The following MFGE8 variants were observed in gnomAD, a reference collection of about 807,000 sequenced individuals.
The protein encoded by MFGE8 is milk fat globule EGF and factor V/VIII domain containing, also known as lactadherin.
In MFGE8, 34 loss-of-function variants were observed where a neutral mutation model predicts 42.6. The observed-to-expected ratio is 0.80, with a 90% CI of 0.61 to 1.06. The LOEUF is 1.06. MFGE8 is among the 50% of genes least tolerant of loss of function. The probability of loss-of-function intolerance (pLI) is 0.00; values close to 1 mark genes in which losing one functional copy is unlikely to be tolerated. For missense variants in MFGE8, 510 were observed against 516.9 expected (o/e 0.99, Z 0.13); for synonymous variants, 230 against 214.8 (o/e 1.07, Z -0.62).
chr15:88,905,089 C>G lies in MFGE8; in HGVS notation c.685+668G>C, dbSNP rs745999776. 3.3e-5 allele frequency among the ~76,000 whole-genome samples: 5 copies of G among 152,184 alleles called. No homozygotes were observed. The highest frequency in any genetic ancestry group is 5.9e-5 in the Non-Finnish European group (4 of 68,030). ...AGAAATCTGTCCCTTTATGGTCTCC[C>G]CAGCTCTTCATCTGGGAATCTCTTT... On this transcript the variant is annotated intron_variant, in intron 5 of 7. Transcript: ENST00000268150. The surrounding 1 kb of genome is among the most constrained non-coding windows in gnomAD (Gnocchi z 6.6).
chr15:88,913,195 G>C, intron 1 of MFGE8, 52 bp downstream of exon 1: 2 of 1,479,064 alleles, frequency 1.4e-6, no homozygotes, highest in South Asian at 1.3e-5. Context: ...GCAAACTTCC[G>C]AGCGGCGCGG....
In MFGE8 at chr15:88,901,573, T is replaced by C; in HGVS notation, c.848A>G (p.Tyr283Cys). The stretch of plus-strand genomic sequence containing the variant: ...CACCTGCAGCCACTGATCGTTACCG[T>C]AGCTCCCCGCAACCCAGGCGTTGAA... ...GNFNAWVAGSYGNDQWLQVDL... is the reference protein window; with the variant it reads ...GNFNAWVAGSCGNDQWLQVDL... Residue 283 changes from tyrosine to cysteine, a missense_variant, in exon 6 of 8, where the codon TAC becomes TGC. Transcript: ENST00000268150. 1 of 1,523,578 alleles carries C rather than the reference T, an allele frequency of 6.6e-7. No homozygotes were observed. 94.4% of individuals were successfully genotyped at this position (1,523,578 alleles called of 1,614,324 possible). A position where few individuals can be genotyped will look rare whatever the true frequency, so the allele number is the denominator to read the frequency against.
chr15:88,908,433 A>G (rs1054947311), intron 2 of MFGE8, among the ~76,000 whole-genome samples: 2 of 152,184 alleles, frequency 1.3e-5, no homozygotes, highest in African/African-American at 4.8e-5. Context: ...ACCCTGAAGG[A>G]GTCCAGTGTG....
At position 88,906,434 on chromosome 15, in the gene MFGE8, A is replaced by T. The variant is rs1357585072; in HGVS notation, c.540+192T>A. ...TCACTAGTCTCATCTCTAAAGTGGG[A>T]CTATTGCTTATAAACCACAGAACAT... On this transcript the variant is annotated intron_variant, in intron 4 of 7. Transcript: ENST00000268150. The surrounding 1 kb of genome is among the most constrained non-coding windows in gnomAD (Gnocchi z 4.2). 3 of 655,272 alleles carry T rather than the reference A, an allele frequency of 4.6e-6. No individual in the cohort carries two copies. In the African/African-American group the frequency reaches 5.4e-5, roughly 12 times the overall value. The allele number at this position is 655,272 out of a possible 1,614,324, so 40.6% of individuals were successfully genotyped here. A position where few individuals can be genotyped will look rare whatever the true frequency, so the allele number is the denominator to read the frequency against.
chr15:88,901,517 A>ATACCAACAATGCTGACC, intron 6 of MFGE8, 34 bp downstream of exon 6: 1 of 1,072,616 alleles, frequency 9.3e-7, no homozygotes, highest in Non-Finnish European at 1.4e-6. Flanking sequence ...ATCCCACCCA[A>ATACCAACAATGCTGACC]CCCCAGCCCC....
rs1215823823 is a variant in MFGE8, at chr15:88,906,661, A to T, written c.505T>A (p.Phe169Ile). The T allele has an allele frequency of 1.2e-6, 2 of 1,614,016 alleles. No individual in the cohort carries two copies. Among genetic ancestry groups the T allele is most frequent in the Non-Finnish European group, 1.7e-6 (2 of 1,179,990 alleles). Residue 169 changes from phenylalanine to isoleucine, a missense_variant, in exon 4 of 8, where the codon TTC becomes ATC. By Grantham distance (21) the Phe-to-Ile change is conservative (BLOSUM62 0). Coordinates refer to ENST00000268150, the MANE Select transcript of MFGE8 (RefSeq NM_005928.4). This position sits in a 1 kb window ranked among gnomAD's most constrained non-coding sequence, Gnocchi z 4.2. The stretch of plus-strand genomic sequence containing the variant: ...TTATTAACATCATGGATGAAATCGA[A>T]TTCGTGTCCATTAAGGCTGTAGGCC... ...KVAYSLNGHE[F>I]DFIHDVNKKH...
At chr15:88,910,485 C>T (rs906709750) in intron 1 of MFGE8, 1 of 189,044 alleles carries the variant, frequency 5.3e-6, no homozygotes, top group Non-Finnish European at 1.1e-5. Flanking sequence ...CCATGCTAGG[C>T]CCCCGAGACA....
At chr15:88,907,424 G>A (rs369985882) in intron 2 of MFGE8, 48 bp from the exon 3 acceptor site, 49 of 1,555,148 alleles carry the variant, frequency 3.2e-5, no homozygotes, top group South Asian at 4.5e-5. Flanking sequence ...GCAGGTTCCC[G>A]GGCCCAGCTG....
At chr15:88,913,215 G>A (rs1899051346) in intron 1 of MFGE8, 32 bp downstream of exon 1, 1 of 1,492,054 alleles carries the variant, frequency 6.7e-7, no homozygotes, top group East Asian at 2.8e-5. Context: ...GGGAGGAGGG[G>A]CGAGGGGCAG....
intron 2 of MFGE8, among the ~76,000 whole-genome samples, chr15:88,909,288 T>C (rs1898845127): frequency 6.6e-6 from 1 of 152,166 alleles, no homozygotes; most frequent in East Asian, 1.9e-4. Context: ...GGCCCAGGCC[T>C]CTCCCTTCTC....
At chr15:88,911,846 A>C (rs568442310) in intron 1 of MFGE8, among the ~76,000 whole-genome samples, 1 of 152,152 alleles carries the variant, frequency 6.6e-6, no homozygotes, top group Non-Finnish European at 1.5e-5. Flanking sequence ...GAAGGCAACA[A>C]CACCATTAAT....
At chr15:88,912,274 TA>T in intron 1 of MFGE8, 1 of 1,288,064 alleles carries the variant, frequency 7.8e-7, no homozygotes. Flanking sequence ...CAGGGAAGAG[TA>T]GAAAGGGGCT....
At position 88,899,863 on chromosome 15, in the gene MFGE8, T is replaced by C; in HGVS notation, c.871-52A>G. On this transcript the variant is annotated intron_variant, in intron 6 of 7. Coordinates refer to ENST00000268150, the MANE Select transcript of MFGE8 (RefSeq NM_005928.4). The surrounding 1 kb of genome is among the most constrained non-coding windows in gnomAD (Gnocchi z 6.8). ...TCTGCTTGGACCATCTCCAGTAAGG[T>C]GAAAAGAGGCAGACACACTGAGGCA... is the stretch of plus-strand genomic sequence containing the variant. The C allele has an allele frequency of 6.2e-7, 1 of 1,607,654 alleles. No individual in the cohort carries two copies. Among genetic ancestry groups the C allele is most frequent in the Non-Finnish European group, 8.5e-7 (1 of 1,174,980 alleles).
chr15:88,901,431 C>G, intron 6 of MFGE8, 120 bp downstream of exon 6: 2 of 981,866 alleles, frequency 2.0e-6, no homozygotes, highest in Non-Finnish European at 3.1e-6. Flanking sequence ...AAAAACAAGG[C>G]TTTTCCAGAA....
chr15:88,904,036 C>T (rs1364586671), intron 5 of MFGE8: 1 of 152,306 alleles, frequency 6.6e-6, no homozygotes, highest in Non-Finnish European at 1.5e-5. Flanking sequence ...GCCTTCCCGA[C>T]AGAGCAGTCC....
At chr15:88,900,986 C>T (rs552423941) in intron 6 of MFGE8, among the ~76,000 whole-genome samples, 2 of 137,008 alleles carry the variant, frequency 1.5e-5, no homozygotes, top group East Asian at 4.2e-4. Context: ...CACACACACA[C>T]ATTCACACAC....
rs1898248931 is a variant in MFGE8 at position 88,899,318 on chromosome 15, G to A, written c.*77C>T. The A allele has an allele frequency of 3.8e-6, 6 of 1,593,180 alleles. No individual in the cohort carries two copies. In the East Asian group the frequency reaches 6.7e-5, roughly 18 times the overall value. On this transcript the variant is annotated 3_prime_UTR_variant, in exon 8 of 8. Transcript: ENST00000268150. This position sits in a 1 kb window ranked among gnomAD's most constrained non-coding sequence, Gnocchi z 6.8. ...CCCTTCCCCAGTCCCCAGCCCTATG[G>A]TGATTTAAAGGGGCTGAGAAGCCAA... is the stretch of plus-strand genomic sequence containing the variant.
intron 1 of MFGE8, 68 bp downstream of exon 1, chr15:88,913,179 C>G: frequency 6.8e-7 from 1 of 1,469,676 alleles, no homozygotes; most frequent in Non-Finnish European, 9.0e-7. Flanking sequence ...GGAGGGCGGG[C>G]GCCGGGCAAA....
rs1898462822 is a variant in MFGE8 at position 88,902,115 on chromosome 15, T to A, written c.686-380A>T. On this transcript the variant is annotated intron_variant, in intron 5 of 7. Transcript: ENST00000268150. This position sits in a 1 kb window ranked among gnomAD's most constrained non-coding sequence, Gnocchi z 4.3. Reference sequence around the variant, plus strand: ...TCACTTGGGCAGGATTTCTTCCTCTTCTGGACTCACAGCACTGCCCCCATC... The same window carrying A: ...TCACTTGGGCAGGATTTCTTCCTCTACTGGACTCACAGCACTGCCCCCATC... 1 of 322,560 alleles carries A rather than the reference T, an allele frequency of 3.1e-6. No homozygotes were observed. The highest frequency in any genetic ancestry group is 2.9e-5 in the South Asian group (1 of 34,416). 20.0% of individuals were successfully genotyped at this position (322,560 alleles called of 1,614,324 possible). A position where few individuals can be genotyped will look rare whatever the true frequency, so the allele number is the denominator to read the frequency against.
Sources: allele counts gnomAD v4.1 joint callset (sites outside exome capture counted in the v4.1 genomes callset), GRCh38; gene constraint gnomAD v4.1.1; non-coding constraint Gnocchi (gnomAD v3.1); transcripts MANE v1.5; gene names NCBI Gene and HGNC (gene_info 2026-07-23, HGNC 2026-07-21).